Variants in PXK observed in about 807,000 individuals in gnomAD.
PXK encodes the protein PX domain-containing protein kinase-like protein.
Under a neutral mutation model 84.7 loss-of-function variants are expected in PXK, and 35 were observed. The ratio of observed to expected loss-of-function variants is 0.41; its 90% confidence interval spans 0.32 to 0.55. The LOEUF (loss-of-function observed/expected upper bound fraction) is 0.55, where lower values mean the gene tolerates loss of function less well. Ranked by LOEUF, PXK falls within the 20% of genes least tolerant of loss-of-function variation. PXK has a pLI of 0.21. For synonymous variants in PXK, 253 were observed against 260.8 expected (o/e 0.97, Z 0.29); for missense variants, 634 against 699.7 (o/e 0.91, Z 1.06).
Position 58,333,186 on chromosome 3 carries a change from C to T in PXK, c.102+96C>T. The T allele has an allele frequency of 1.4e-6, 1 of 726,380 alleles. No individual in the cohort carries two copies. The highest frequency in any genetic ancestry group is 1.7e-6 in the Non-Finnish European group (1 of 588,758). 45.0% of individuals were successfully genotyped at this position (726,380 alleles called of 1,614,324 possible). A position where few individuals can be genotyped will look rare whatever the true frequency, so the allele number is the denominator to read the frequency against. On this transcript the variant is annotated intron_variant, in intron 1 of 17. Coordinates refer to ENST00000356151, the MANE Select transcript of PXK (RefSeq NM_017771.5). This position sits in a 1 kb window ranked among gnomAD's most constrained non-coding sequence, Gnocchi z 5.4. ...GCGCGGGCCGGGCAGGGTCGTCGGA[C>T]GGAGACCGGGCCACAGGGTGGGCGG...
At chr3:58,402,150 A>G (rs1025933584) in intron 12 of PXK, among the ~76,000 whole-genome samples, 4 of 151,424 alleles carry the variant, frequency 2.6e-5, no homozygotes, top group Non-Finnish European at 4.4e-5. Context: ...CTATTCTTTG[A>G]CCTGTTTTAC....
intron 17 of PXK, among the ~76,000 whole-genome samples, chr3:58,419,337 T>C (rs2061470629): frequency 3.9e-5 from 6 of 152,252 alleles, no homozygotes. Flanking sequence ...CTGCAGCCTC[T>C]GCCTCCTGGG....
intron 1 of PXK, among the ~76,000 whole-genome samples, chr3:58,348,436 ATACGACAGAGGCC>A (rs1362529693): frequency 6.6e-6 from 1 of 152,194 alleles, no homozygotes; most frequent in Non-Finnish European, 1.5e-5. Context: ...AATTCACTAC[ATACGACAGAGGCC>A]TTAGGGCAGT....
chr3:58,408,525 C>CT (rs10587686), intron 13 of PXK, among the ~76,000 whole-genome samples: 2,122 of 143,078 alleles, frequency 0.015, 54 homozygotes, highest in African/African-American at 0.051. Context: ...CCAAATGACT[C>CT]TTTTTTTTTT....
intron 1 of PXK, among the ~76,000 whole-genome samples, chr3:58,345,873 G>A (rs1263407906): frequency 6.6e-6 from 1 of 152,114 alleles, no homozygotes; most frequent in Non-Finnish European, 1.5e-5. Flanking sequence ...CACCTTCTGG[G>A]GCACCTCGTT....
At chr3:58,336,057 A>ATG (rs2097587682) in intron 1 of PXK, among the ~76,000 whole-genome samples, 1 of 54,726 alleles carries the variant, frequency 1.8e-5, no homozygotes, top group Non-Finnish European at 3.2e-5. Flanking sequence ...ATATATATAT[A>ATG]TATATATATA....
intron 3 of PXK, among the ~76,000 whole-genome samples, chr3:58,371,713 C>T (rs2098374816): frequency 6.6e-6 from 1 of 152,082 alleles, no homozygotes; most frequent in African/African-American, 2.4e-5. Context: ...TTTATGCTTG[C>T]TTCAGTGTAA....
In PXK at chr3:58,421,030, G is replaced by C; in HGVS notation, c.1529-3722G>C. On this transcript the variant is annotated intron_variant, in intron 17 of 17. Coordinates refer to ENST00000356151, the MANE Select transcript of PXK (RefSeq NM_017771.5). This position sits in a 1 kb window ranked among gnomAD's most constrained non-coding sequence, Gnocchi z 5.5. ...GTAGGGAAAAACAGTTCTTTTGTAA[G>C]CATCCTTTATAATTCTCGAGCTGTG... is the stretch of plus-strand genomic sequence containing the variant. The C allele has an allele frequency of 1.0e-6, 1 of 1,002,718 alleles. No individual in the cohort carries two copies. The highest frequency in any genetic ancestry group is 1.2e-6 in the Non-Finnish European group (1 of 841,032). 62.1% of individuals were successfully genotyped at this position (1,002,718 alleles called of 1,614,324 possible).
At chr3:58,345,194 G>A (rs1431279982) in intron 1 of PXK, among the ~76,000 whole-genome samples, 2 of 152,158 alleles carry the variant, frequency 1.3e-5, no homozygotes, top group African/African-American at 4.8e-5. Flanking sequence ...GGAGAGGCTG[G>A]TCAGGTCCTC....
At chr3:58,362,414 A>G (rs1286350506) in intron 1 of PXK, among the ~76,000 whole-genome samples, 4 of 152,184 alleles carry the variant, frequency 2.6e-5, no homozygotes, top group Admixed American at 2.6e-4. Context: ...GGTTCATTTC[A>G]TTGCTGAGTG....
intron 2 of PXK, among the ~76,000 whole-genome samples, chr3:58,368,150 T>C (rs1480609231): frequency 6.6e-6 from 1 of 152,134 alleles, no homozygotes; most frequent in Non-Finnish European, 1.5e-5. Context: ...TCTGTTTTTC[T>C]TGGTCTGTCC....
chr3:58,357,394 T>C (rs1459504703), intron 1 of PXK, among the ~76,000 whole-genome samples: 1 of 152,178 alleles, frequency 6.6e-6, no homozygotes, highest in Non-Finnish European at 1.5e-5. Context: ...CTGGAAGGTC[T>C]TCTGGGGCAA....
intron 1 of PXK, among the ~76,000 whole-genome samples, chr3:58,349,456 A>T (rs1376664209): frequency 6.6e-6 from 1 of 151,532 alleles, no homozygotes; most frequent in Non-Finnish European, 1.5e-5. Flanking sequence ...CCCCGGTTCA[A>T]GCGATTCTCC....
In PXK at chr3:58,356,061, T is replaced by C. The variant is rs116603046; in HGVS notation, c.103-9813T>C. ...AGCAAAATTCCCAGCACATGATCAG[T>C]ACTGGTTTTAAGTTAATTATCTCTT... On this transcript the variant is annotated intron_variant, in intron 1 of 17. Coordinates refer to ENST00000356151, the MANE Select transcript of PXK (RefSeq NM_017771.5). Among the ~76,000 whole-genome samples, 1,262 of 152,318 alleles carry C rather than the reference T, an allele frequency of 8.3e-3. 19 individuals carry two copies. Among genetic ancestry groups the C allele is most frequent in the African/African-American group, 0.029 (1,208 of 41,560 alleles).
In PXK at chr3:58,333,016, G is replaced by C. The variant is rs1339987064; in HGVS notation, c.28G>C (p.Gly10Arg). 2.9e-6 allele frequency: 4 copies of C among 1,369,828 alleles called. No individual in the cohort carries two copies. The highest frequency in any genetic ancestry group is 3.8e-6 in the Non-Finnish European group (4 of 1,048,978). The allele number at this position is 1,369,828 out of a possible 1,614,324, so 84.9% of individuals were successfully genotyped here. A position where few individuals can be genotyped will look rare whatever the true frequency, so the allele number is the denominator to read the frequency against. ...GGCCTTCATGGAGAAGCCGCCAGCC[G>C]GCAAGGTGCTGCTGGACGACACGGT... is the stretch of plus-strand genomic sequence containing the variant. MAFMEKPPA[G>R]KVLLDDTVPL... Residue 10 changes from glycine (G) to arginine (R), a missense_variant, in exon 1 of 18, where the codon GGC becomes CGC. This residue lies in a region of PXK where 353 missense variants were observed against 385.2 expected (regional missense o/e 0.92). Transcript: ENST00000356151. This position sits in a 1 kb window ranked among gnomAD's most constrained non-coding sequence, Gnocchi z 5.4.
At chr3:58,365,623 C>A (rs900990370) in intron 1 of PXK, among the ~76,000 whole-genome samples, 1 of 152,122 alleles carries the variant, frequency 6.6e-6, no homozygotes, top group Non-Finnish European at 1.5e-5. Flanking sequence ...TCACTTCTTT[C>A]AGTTTTATCA....
In PXK at chr3:58,390,788, A is replaced by C; in HGVS notation, c.466+129A>C. On this transcript the variant is annotated intron_variant, in intron 5 of 17. Coordinates refer to ENST00000356151, the MANE Select transcript of PXK (RefSeq NM_017771.5). The surrounding 1 kb of genome is among the most constrained non-coding windows in gnomAD (Gnocchi z 4.2). ...GACTTCTTTTTCTTTTTGCATATCA[A>C]CTGCTTGAGGATACAGCTGGTAACT... 1.2e-6 allele frequency: 1 copy of C among 815,584 alleles called. No individual in the cohort carries two copies. The highest frequency in any genetic ancestry group is 1.7e-5 in the African/African-American group (1 of 58,062). 50.5% of individuals were successfully genotyped at this position (815,584 alleles called of 1,614,324 possible).
At chr3:58,358,895 A>C (rs1463265962) in intron 1 of PXK, among the ~76,000 whole-genome samples, 3 of 152,208 alleles carry the variant, frequency 2.0e-5, no homozygotes, top group African/African-American at 7.2e-5. Flanking sequence ...CCATATGCCA[A>C]ATGCTTTCCC....
At chr3:58,336,660 AC>A (rs2097618683) in intron 1 of PXK, among the ~76,000 whole-genome samples, 1 of 152,140 alleles carries the variant, frequency 6.6e-6, no homozygotes, top group Non-Finnish European at 1.5e-5. Flanking sequence ...AAAAGGGAAA[AC>A]TTTTTAAAGT....
Sources: gnomAD v4.1 joint callset for allele counts (sites outside exome capture counted in the v4.1 genomes callset) on GRCh38, gnomAD v4.1.1 for gene constraint, gnomAD v4.1.1 regional missense constraint, Gnocchi (gnomAD v3.1) non-coding constraint, MANE v1.5 for transcripts, NCBI Gene and HGNC (gene_info 2026-07-23, HGNC 2026-07-21) for gene names.